P4HA1: variants seen among roughly 807,000 people sequenced by gnomAD.
P4HA1 encodes the protein prolyl 4-hydroxylase subunit alpha 1.
Under a neutral mutation model 72.8 loss-of-function variants are expected in P4HA1, and 24 were observed. That is an observed-to-expected ratio of 0.33 (90% CI 0.24 to 0.46). P4HA1 has a LOEUF of 0.46. P4HA1 is among the 20% of genes least tolerant of loss of function. The probability of loss-of-function intolerance (pLI) is 1.00; values close to 1 mark genes in which losing one functional copy is unlikely to be tolerated. For synonymous variants in P4HA1, 201 were observed against 218.8 expected, an observed-to-expected ratio of 0.92 and a Z score of 0.72; for missense variants, 446 against 640.6, an observed-to-expected ratio of 0.70 and a Z score of 3.28.
At position 73,045,053 on chromosome 10, in the gene P4HA1, T is replaced by A. The variant is rs775131942; in HGVS notation, c.1078-2A>T. 1.5e-5 allele frequency: 24 copies of A among 1,612,688 alleles called. No individual in the cohort carries two copies. Among genetic ancestry groups the A allele is most frequent in the Non-Finnish European group, 2.0e-5 (23 of 1,179,028 alleles). On this transcript the variant is annotated splice_acceptor_variant, in intron 8 of 14. Coordinates refer to ENST00000394890, the MANE Select transcript of P4HA1 (RefSeq NM_001017962.3). LOFTEE classifies it high-confidence loss of function. Reference sequence around the variant, plus strand: ...GTTTGAAATGGTGGCTCGCCTCAGCTGTGAAGCCAACCATCAAAATAGTTG... The same window carrying A: ...GTTTGAAATGGTGGCTCGCCTCAGCAGTGAAGCCAACCATCAAAATAGTTG...
chr10:73,088,257 G>T (rs1010873387), intron 1 of P4HA1, among the ~76,000 whole-genome samples: 1 of 152,146 alleles, frequency 6.6e-6, no homozygotes, highest in Admixed American at 6.5e-5. Context: ...CTAATAAAAA[G>T]ATTTCATTTT....
At chr10:73,024,046 C>CT (rs1840202930) in intron 10 of P4HA1, among the ~76,000 whole-genome samples, 1 of 152,140 alleles carries the variant, frequency 6.6e-6, no homozygotes, top group African/African-American at 2.4e-5. Context: ...TAATGAGAGA[C>CT]TTTAACACTC....
chr10:73,063,921 G>A (rs967397054), intron 5 of P4HA1, among the ~76,000 whole-genome samples: 3 of 152,050 alleles, frequency 2.0e-5, no homozygotes, highest in African/African-American at 7.2e-5. Context: ...TAGAGAACAT[G>A]AGAAGAAAAA....
intron 5 of P4HA1, among the ~76,000 whole-genome samples, chr10:73,061,667 A>G (rs566610917): frequency 3.0e-4 from 46 of 152,160 alleles, no homozygotes; most frequent in Non-Finnish European, 6.2e-4. Flanking sequence ...TTGGGAGGCT[A>G]AGGCAGGAGG....
At position 73,027,877 on chromosome 10, in the gene P4HA1, G is replaced by GAGGGAGGGACA. The variant is rs1840327451; in HGVS notation, c.1248+2393_1248+2394insTGTCCCTCCCT. 5.9e-4 allele frequency among the ~76,000 whole-genome samples: 77 copies of GAGGGAGGGACA among 131,314 alleles called. 1 individual carries two copies. The highest frequency in any genetic ancestry group is 2.2e-3 in the African/African-American group (70 of 31,450). The allele number at this position is 131,314 out of a possible 152,430, so 86.1% of individuals were successfully genotyped here. A position where few individuals can be genotyped will look rare whatever the true frequency, so the allele number is the denominator to read the frequency against. The stretch of plus-strand genomic sequence containing the variant: ...GGAGGGGAGGGAGGGAGAGAGGGAG[G>GAGGGAGGGACA]GAGGGAGGGACAGAGGGAGGGAGGG... On this transcript the variant is annotated intron_variant, in intron 10 of 14. Coordinates refer to ENST00000394890, the MANE Select transcript of P4HA1 (RefSeq NM_001017962.3).
intron 1 of P4HA1, among the ~76,000 whole-genome samples, chr10:73,085,619 G>A (rs1164564325): frequency 6.6e-6 from 1 of 152,108 alleles, no homozygotes; most frequent in Non-Finnish European, 1.5e-5. Flanking sequence ...CCAACCTCAG[G>A]TGATCTGCCC....
intron 1 of P4HA1, among the ~76,000 whole-genome samples, chr10:73,084,141 G>A (rs1483483700): frequency 6.6e-5 from 10 of 152,130 alleles, no homozygotes; most frequent in Admixed American, 4.6e-4. Flanking sequence ...GTTCTGATAA[G>A]ACAGCTTTGG....
rs745986188 is a variant in P4HA1, at chr10:73,068,838, G to A, written c.463+8C>T. 1.9e-5 allele frequency: 30 copies of A among 1,608,538 alleles called. No individual in the cohort carries two copies. The highest frequency in any genetic ancestry group is 1.2e-4 in the Admixed American group (7 of 59,966). On this transcript the variant is annotated splice_region_variant and intron_variant, in intron 5 of 14. Coordinates refer to ENST00000394890, the MANE Select transcript of P4HA1 (RefSeq NM_001017962.3). ...TAGGTATTTTATAGAATGGAAGAAT[G>A]ATCTTACCTGGAAGATTACCCTTTG...
rs201427436 is a variant in P4HA1 at position 73,045,098 on chromosome 10, G to A, written c.1078-47C>T. 71 of 1,495,942 alleles carry A rather than the reference G, an allele frequency of 4.7e-5. No homozygotes were observed. The South Asian group carries it at 7.9e-4, about 17-fold the overall frequency. The allele number at this position is 1,495,942 out of a possible 1,614,324, so 92.7% of individuals were successfully genotyped here. ...TAGTTGCATTACAAAACAAAAAACT[G>A]AATCACATTTACCCAACCAGTCAGA... On this transcript the variant is annotated intron_variant, in intron 8 of 14. Transcript: ENST00000394890.
intron 1 of P4HA1, chr10:73,082,555 G>A (rs566946342): frequency 2.0e-5 from 3 of 152,284 alleles, no homozygotes; most frequent in Non-Finnish European, 4.4e-5. Context: ...GTAACTCATT[G>A]TGATCAATTA....
intron 6 of P4HA1, among the ~76,000 whole-genome samples, chr10:73,051,959 CAG>C (rs1223061753): frequency 6.6e-6 from 1 of 152,064 alleles, no homozygotes; most frequent in African/African-American, 2.4e-5. Flanking sequence ...ATGAGGAAGA[CAG>C]GGGATAAGCA....
intron 9 of P4HA1, among the ~76,000 whole-genome samples, chr10:73,033,722 G>A (rs1224005081): frequency 2.0e-5 from 3 of 152,082 alleles, no homozygotes; most frequent in African/African-American, 4.8e-5. Flanking sequence ...ATATTAAAAC[G>A]AATTACTCAA....
chr10:73,074,682 TA>T (rs1454455128), intron 2 of P4HA1, 125 bp downstream of exon 2: 14 of 607,402 alleles, frequency 2.3e-5, no homozygotes, highest in Middle Eastern at 4.4e-4. Flanking sequence ...AAGGACCTTT[TA>T]GGGGGCAGGG....
chr10:73,057,981 C>A, intron 5 of P4HA1, among the ~76,000 whole-genome samples: 1 of 149,422 alleles, frequency 6.7e-6, no homozygotes, highest in African/African-American at 2.5e-5. Flanking sequence ...ATTCCAACTA[C>A]TGGGGAGGCT....
intron 5 of P4HA1, among the ~76,000 whole-genome samples, chr10:73,054,245 C>A (rs1408374251): frequency 6.6e-6 from 1 of 152,198 alleles, no homozygotes; most frequent in Non-Finnish European, 1.5e-5. Context: ...AACCAACAAT[C>A]TGGGCAAGAG....
chr10:73,051,683 C>T (rs1212648862), intron 6 of P4HA1, among the ~76,000 whole-genome samples: 1 of 152,028 alleles, frequency 6.6e-6, no homozygotes. Context: ...CACTTGAACC[C>T]GGGAGGCGGG....
At chr10:73,009,926 AT>A (rs775810604) in intron 13 of P4HA1, 23 bp from the exon 14 acceptor site, 12 of 1,275,426 alleles carry the variant, frequency 9.4e-6, no homozygotes, top group African/African-American at 2.9e-5. Context: ...ATTCACAATT[AT>A]CCCCAAGTAT....
At chr10:73,082,730 T>C (rs901244109) in intron 1 of P4HA1, 6 of 152,190 alleles carry the variant, frequency 3.9e-5, no homozygotes, top group Non-Finnish European at 8.8e-5. Flanking sequence ...ACAGATCCCT[T>C]ATTCAACTGT....
At chr10:73,041,809 T>C (rs188864049) in intron 9 of P4HA1, among the ~76,000 whole-genome samples, 41 of 152,150 alleles carry the variant, frequency 2.7e-4, no homozygotes, top group Non-Finnish European at 5.9e-5. Context: ...TCCCTGTTTC[T>C]TTGGGTTCTC....
Sources: allele counts gnomAD v4.1 joint callset (sites outside exome capture counted in the v4.1 genomes callset), GRCh38; gene constraint gnomAD v4.1.1; transcripts MANE v1.5; gene names NCBI Gene and HGNC (gene_info 2026-07-23, HGNC 2026-07-21).